Variants in MCPH1 observed in about 807,000 individuals in gnomAD.
MCPH1 encodes the protein microcephalin.
In MCPH1, 104 loss-of-function variants were observed where a neutral mutation model predicts 84.5. The observed-to-expected ratio is 1.23, with a 90% CI of 1.05 to 1.45. MCPH1 has a LOEUF of 1.45. Among genes scored for constraint, MCPH1 ranks in the 40% most tolerant of loss-of-function variants. The pLI is 0.00. For synonymous variants in MCPH1, 514 were observed against 366.8 expected (o/e 1.40, Z -4.58); for missense variants, 1,498 against 1,005.7 (o/e 1.49, Z -6.62).
At chr8:6,542,737 T>A (rs965113610) in intron 12 of MCPH1, among the ~76,000 whole-genome samples, 3 of 152,174 alleles carry the variant, frequency 2.0e-5, no homozygotes, top group African/African-American at 7.2e-5. Context: ...TACATGGGTT[T>A]GCCAAAATAC....
At chr8:6,631,224 G>C (rs958271713) in intron 13 of MCPH1, among the ~76,000 whole-genome samples, 2 of 152,162 alleles carry the variant, frequency 1.3e-5, no homozygotes, top group African/African-American at 4.8e-5. Flanking sequence ...CTGAAGGATT[G>C]ATCCTCATCT....
chr8:6,494,091 C>G (rs1810969881), intron 11 of MCPH1: 1 of 152,146 alleles, frequency 6.6e-6, no homozygotes, highest in South Asian at 2.1e-4. Context: ...CAGGTGCATG[C>G]CACCACACCT....
intron 12 of MCPH1, among the ~76,000 whole-genome samples, chr8:6,548,436 A>C (rs1279283887): frequency 6.6e-6 from 1 of 152,158 alleles, no homozygotes; most frequent in Non-Finnish European, 1.5e-5. Flanking sequence ...CATCTCAACC[A>C]TTATCCCCAG....
At chr8:6,459,645 T>C (rs185726450) in intron 9 of MCPH1, among the ~76,000 whole-genome samples, 83 of 152,360 alleles carry the variant, frequency 5.4e-4, no homozygotes, top group Non-Finnish European at 1.0e-4. Flanking sequence ...TGTTTTCACT[T>C]GAGAGCCAGC....
intron 12 of MCPH1, among the ~76,000 whole-genome samples, chr8:6,600,566 G>A (rs992065801): frequency 1.3e-5 from 2 of 152,256 alleles, no homozygotes; most frequent in Non-Finnish European, 2.9e-5. Context: ...GGCACGTTAG[G>A]CTTGTGACAT....
chr8:6,609,193 T>C (rs1830032761), intron 12 of MCPH1, among the ~76,000 whole-genome samples: 2 of 152,146 alleles, frequency 1.3e-5, no homozygotes, highest in African/African-American at 4.8e-5. Flanking sequence ...TATCGTAATA[T>C]TGAAAAACGA....
At chr8:6,479,856 A>AT (rs1808962378) in intron 10 of MCPH1, among the ~76,000 whole-genome samples, 1 of 152,230 alleles carries the variant, frequency 6.6e-6, no homozygotes, top group African/African-American at 2.4e-5. Flanking sequence ...AGAGCAGGAG[A>AT]TAAGCCATAA....
intron 12 of MCPH1, among the ~76,000 whole-genome samples, chr8:6,523,888 G>GC (rs1263854153): frequency 1.7e-5 from 2 of 118,022 alleles, no homozygotes; most frequent in African/African-American, 7.6e-5. Flanking sequence ...TGCCTGGCTG[G>GC]CATTTTTTTT....
Position 6,444,541 on chromosome 8 carries a change from T to C in MCPH1, c.819T>C (p.Asn273=), listed in dbSNP as rs141024274. 6.2e-7 allele frequency: 1 copy of C among 1,614,172 alleles called. No homozygotes were observed. Among genetic ancestry groups the C allele is most frequent in the Non-Finnish European group, 8.5e-7 (1 of 1,180,026 alleles). Residue 273 remains asparagine, a synonymous_variant, in exon 8 of 14, where the codon AAT becomes AAC. Transcript: ENST00000344683. ...CISSLVLKAN[N]IHSSPSFTHL... ...CTTCACTTGTATTGAAAGCAAATAA[T>C]ATTCATTCATCACCATCTTTCACTC...
intron 12 of MCPH1, among the ~76,000 whole-genome samples, chr8:6,568,769 G>A (rs1398042961): frequency 2.0e-5 from 3 of 152,158 alleles, no homozygotes; most frequent in African/African-American, 4.8e-5. Flanking sequence ...CCCGCCTGCC[G>A]TCCTCAGCAC....
intron 13 of MCPH1, chr8:6,635,015 C>T (rs1246768274): frequency 6.6e-6 from 1 of 152,192 alleles, no homozygotes; most frequent in African/African-American, 2.4e-5. Flanking sequence ...ATGTGCGTGC[C>T]TGGCGTGACC....
At chr8:6,637,745 G>A (rs999497301) in intron 13 of MCPH1, among the ~76,000 whole-genome samples, 5 of 151,980 alleles carry the variant, frequency 3.3e-5, no homozygotes, top group East Asian at 1.9e-4. Context: ...CTCCTAACTC[G>A]GCCTCTCAAA....
At chr8:6,446,459 A>T (rs1804388662) in intron 8 of MCPH1, 3 of 985,204 alleles carry the variant, frequency 3.0e-6, no homozygotes, top group Middle Eastern at 5.2e-4. Context: ...CCTTGAGTAT[A>T]CGCTCCCCAA....
At chr8:6,590,309 T>C (rs949656953) in intron 12 of MCPH1, among the ~76,000 whole-genome samples, 1 of 152,182 alleles carries the variant, frequency 6.6e-6, no homozygotes, top group African/African-American at 2.4e-5. Flanking sequence ...GGGAATGTCC[T>C]AAATGTGCGT....
At chr8:6,600,799 G>A (rs1829301545) in intron 12 of MCPH1, among the ~76,000 whole-genome samples, 1 of 152,208 alleles carries the variant, frequency 6.6e-6, no homozygotes, top group East Asian at 1.9e-4. Context: ...TTGGGGGCAG[G>A]TTGGAGGCCT....
In MCPH1 at chr8:6,480,793, C is replaced by CAA; in HGVS notation, c.2054_2055insAA (p.His685GlnfsTer12). 6.2e-7 allele frequency: 1 copy of CAA among 1,614,188 alleles called. No individual in the cohort carries two copies. Among genetic ancestry groups the CAA allele is most frequent in the Non-Finnish European group, 8.5e-7 (1 of 1,180,032 alleles). ...ACCAGACGTCTGTGAGACCACGACT[C>CAA]ACGTGCTTTCCGGGAAGCCACTTCG... On this transcript the variant is annotated frameshift_variant, in exon 11 of 14. Transcript: ENST00000344683. LOFTEE classifies it high-confidence loss of function.
intron 12 of MCPH1, chr8:6,502,885 A>C (rs375469076): frequency 1.4e-4 from 75 of 550,358 alleles, no homozygotes; most frequent in East Asian, 9.1e-4. Context: ...TCTAATCACA[A>C]TTATGGATGT....
chr8:6,469,595 G>A (rs1276804154), intron 9 of MCPH1, among the ~76,000 whole-genome samples: 3 of 152,164 alleles, frequency 2.0e-5, no homozygotes, highest in Non-Finnish European at 4.4e-5. Context: ...AATAATCTTT[G>A]TGAATATGTG....
At chr8:6,547,581 C>T (rs188787853) in intron 12 of MCPH1, among the ~76,000 whole-genome samples, 1 of 152,330 alleles carries the variant, frequency 6.6e-6, no homozygotes, top group East Asian at 1.9e-4. Flanking sequence ...CACTTTGGAC[C>T]ACCGTAGAAT....
Sources: gnomAD v4.1 joint callset for allele counts (sites outside exome capture counted in the v4.1 genomes callset) on GRCh38, gnomAD v4.1.1 for gene constraint, MANE v1.5 for transcripts, NCBI Gene and HGNC (gene_info 2026-07-23, HGNC 2026-07-21) for gene names.